The following PIEZO2 variants were observed in gnomAD, a reference collection of about 807,000 sequenced individuals.
PIEZO2 encodes the protein piezo type mechanosensitive ion channel component 2.
Under a neutral mutation model 337.3 loss-of-function variants are expected in PIEZO2, and 172 were observed. The observed-to-expected ratio is 0.51, with a 90% CI of 0.45 to 0.58. PIEZO2 has a LOEUF of 0.58. Ranked by LOEUF, PIEZO2 falls within the 20% of genes least tolerant of loss-of-function variation. PIEZO2 has a pLI of 0.00. For missense variants in PIEZO2, 3,028 were observed against 3,391.3 expected (o/e 0.89, Z 2.66); for synonymous variants, 1,251 against 1,228.5 (o/e 1.02, Z -0.38).
In PIEZO2 at chr18:10,759,513, G is replaced by A; in HGVS notation, c.3726C>T (p.Phe1242=). The A allele has an allele frequency of 6.5e-7, 1 of 1,537,174 alleles. No individual in the cohort carries two copies. The highest frequency in any genetic ancestry group is 8.7e-7 in the Non-Finnish European group (1 of 1,146,906). The part of the protein sequence containing the change: ...NIIKWLYFPD[F]IVRPNPVFLV... ...GAAACACAGGGTTGGGCCGCACAAT[G>A]AAATCTGGGAAGTACAGCCACTTTA... The change falls in exon 26 of 56, where the codon TTC becomes TTT. Residue 1242 remains phenylalanine (F), a synonymous_variant. Transcript: ENST00000674853. The surrounding 1 kb of genome is among the most constrained non-coding windows in gnomAD (Gnocchi z 5.5).
chr18:10,915,537 CAA>C (rs1026434674), intron 3 of PIEZO2, among the ~76,000 whole-genome samples: 34 of 152,270 alleles, frequency 2.2e-4, no homozygotes, highest in Admixed American at 1.9e-3. Context: ...TATTTTAAAT[CAA>C]GAGTGGCATT....
At chr18:10,946,369 C>A (rs952524803) in intron 3 of PIEZO2, among the ~76,000 whole-genome samples, 2 of 152,186 alleles carry the variant, frequency 1.3e-5, no homozygotes, top group East Asian at 1.9e-4. Flanking sequence ...AATTTTTATA[C>A]CCTACAAACA....
chr18:10,872,162 T>C lies in PIEZO2; in HGVS notation c.330-747A>G, dbSNP rs983585775. 3.3e-5 allele frequency among the ~76,000 whole-genome samples: 5 copies of C among 152,242 alleles called. No homozygotes were observed. Among genetic ancestry groups the C allele is most frequent in the Non-Finnish European group, 7.3e-5 (5 of 68,046 alleles). ...TGAAATAATGTTCGTGAAAGTTCTTTGTAAAGAATGAAACACATATTTTCA... is the reference window on the plus strand; with the variant it reads ...TGAAATAATGTTCGTGAAAGTTCTTCGTAAAGAATGAAACACATATTTTCA... On this transcript the variant is annotated intron_variant, in intron 4 of 55. Transcript: ENST00000674853. The surrounding 1 kb of genome is among the most constrained non-coding windows in gnomAD (Gnocchi z 4.3).
chr18:10,672,780 C>T lies in PIEZO2; in HGVS notation c.8255G>A (p.Arg2752Lys). Residue 2752 changes from arginine (R) to lysine (K), a missense_variant, in exon 55 of 56, where the codon AGA (arginine) becomes AAA (lysine). Transcript: ENST00000674853. This position sits in a 1 kb window ranked among gnomAD's most constrained non-coding sequence, Gnocchi z 4.7. Reference sequence around the variant, plus strand: ...GGCCTGAGAGTTCGGATTGTATATTCTGTTTCCAGTCAGGTTGAGAACCCA... The same window carrying T: ...GGCCTGAGAGTTCGGATTGTATATTTTGTTTCCAGTCAGGTTGAGAACCCA... ...EWWVLNLTGNRIYNPNSQALE... is the reference protein window; with the variant it reads ...EWWVLNLTGNKIYNPNSQALE... The T allele has an allele frequency of 6.2e-7, 1 of 1,614,054 alleles. No homozygotes were observed. Among genetic ancestry groups the T allele is most frequent in the Non-Finnish European group, 8.5e-7 (1 of 1,179,950 alleles).
Position 11,077,267 on chromosome 18 carries a change from C to G in PIEZO2, c.65-11045G>C, listed in dbSNP as rs1325055965. 6.6e-6 allele frequency among the ~76,000 whole-genome samples: 1 copy of G among 152,184 alleles called. No homozygotes were observed. The highest frequency in any genetic ancestry group is 1.5e-5 in the Non-Finnish European group (1 of 68,046). On this transcript the variant is annotated intron_variant, in intron 1 of 55. Coordinates refer to ENST00000674853, the MANE Select transcript of PIEZO2 (RefSeq NM_001378183.1). This position sits in a 1 kb window ranked among gnomAD's most constrained non-coding sequence, Gnocchi z 4.8. ...AATATTAAAACTGCTTATTAGCCTG[C>G]TCATCTTAGTGGCTTTGTCATCTAT...
At chr18:11,147,526 C>G (rs2040840639) in intron 1 of PIEZO2, among the ~76,000 whole-genome samples, 1 of 152,218 alleles carries the variant, frequency 6.6e-6, no homozygotes, top group Admixed American at 6.5e-5. Context: ...TCATCAACCT[C>G]GGTCAAGATG....
At chr18:10,804,109 G>A (rs556164232) in intron 8 of PIEZO2, 115 bp from the exon 9 acceptor site, 1 of 1,231,818 alleles carries the variant, frequency 8.1e-7, no homozygotes, top group Non-Finnish European at 1.1e-6. Context: ...CAAAGTGAAT[G>A]TTTACAATAT....
chr18:10,747,593 G>A (rs187601121), intron 30 of PIEZO2, among the ~76,000 whole-genome samples: 345 of 152,294 alleles, frequency 2.3e-3, no homozygotes, highest in Non-Finnish European at 3.6e-3. Flanking sequence ...AGGGCTGGGT[G>A]TGCCACAAGG....
At chr18:10,867,262 C>T (rs149759870) in intron 5 of PIEZO2, among the ~76,000 whole-genome samples, 1 of 152,226 alleles carries the variant, frequency 6.6e-6, no homozygotes, top group Non-Finnish European at 1.5e-5. Context: ...AACTAGAAGA[C>T]AACAAAATGA....
rs190226483 is a variant in PIEZO2, at chr18:10,950,783, G to A, written c.286+28752C>T. On this transcript the variant is annotated intron_variant, in intron 3 of 55. Transcript: ENST00000674853. ...GTACCGGCCTTACACTGTTTAAACGGTATCTTCATCCACTGAGTTAGCTTC... is the reference window on the plus strand; with the variant it reads ...GTACCGGCCTTACACTGTTTAAACGATATCTTCATCCACTGAGTTAGCTTC... Among the ~76,000 whole-genome samples, 5 of 152,176 alleles carry A rather than the reference G, an allele frequency of 3.3e-5. No individual in the cohort carries two copies. The East Asian group carries it at 9.7e-4, about 29-fold the overall frequency.
At chr18:11,040,104 C>T (rs112742973) in intron 2 of PIEZO2, among the ~76,000 whole-genome samples, 7,770 of 85,726 alleles carry the variant, frequency 0.091, 260 homozygotes, top group Middle Eastern at 0.16. Context: ...GGCTAAATAC[C>T]ATCTGAAAAA....
rs2040825187 is a variant in PIEZO2 at position 11,146,895 on chromosome 18, G to C, written c.64+1630C>G. ...AGGAGGACGGTGGATAGAGGGACTGGGAGGGAGCAGAGCGGCCTTTAACCT... is the reference window on the plus strand; with the variant it reads ...AGGAGGACGGTGGATAGAGGGACTGCGAGGGAGCAGAGCGGCCTTTAACCT... On this transcript the variant is annotated intron_variant, in intron 1 of 55. Coordinates refer to ENST00000674853, the MANE Select transcript of PIEZO2 (RefSeq NM_001378183.1). This position sits in a 1 kb window ranked among gnomAD's most constrained non-coding sequence, Gnocchi z 6.1. Among the ~76,000 whole-genome samples the C allele has an allele frequency of 6.6e-6, 1 of 152,188 alleles. No homozygotes were observed. The highest frequency in any genetic ancestry group is 2.4e-5 in the African/African-American group (1 of 41,448).
intron 17 of PIEZO2, among the ~76,000 whole-genome samples, chr18:10,782,110 T>C (rs932317703): frequency 2.1e-5 from 3 of 144,266 alleles, no homozygotes; most frequent in African/African-American, 5.1e-5. Context: ...ATATATATTA[T>C]ATATTAAGCT....
chr18:10,760,843 T>C (rs1323157219), intron 24 of PIEZO2, 68 bp downstream of exon 24: 21 of 1,338,900 alleles, frequency 1.6e-5, no homozygotes, highest in Non-Finnish European at 2.0e-5. Context: ...CAGTGGCCAA[T>C]TGGCCAGAAG....
chr18:10,860,121 A>T (rs1335535088), intron 5 of PIEZO2, among the ~76,000 whole-genome samples: 2 of 152,198 alleles, frequency 1.3e-5, no homozygotes, highest in Non-Finnish European at 2.9e-5. Flanking sequence ...GGTATCCAGT[A>T]GGCAGCTATT....
chr18:10,969,106 T>G lies in PIEZO2; in HGVS notation c.286+10429A>C, dbSNP rs2034133637. On this transcript the variant is annotated intron_variant, in intron 3 of 55. Coordinates refer to ENST00000674853, the MANE Select transcript of PIEZO2 (RefSeq NM_001378183.1). The surrounding 1 kb of genome is among the most constrained non-coding windows in gnomAD (Gnocchi z 4.5). ...ATTACTATGCTTAGCCCAATTCTGCTGCTTTCAAATGCCTTTGAAATGTCC... is the reference window on the plus strand; with the variant it reads ...ATTACTATGCTTAGCCCAATTCTGCGGCTTTCAAATGCCTTTGAAATGTCC... 6.6e-6 allele frequency among the ~76,000 whole-genome samples: 1 copy of G among 152,234 alleles called. No individual in the cohort carries two copies. The highest frequency in any genetic ancestry group is 1.5e-5 in the Non-Finnish European group (1 of 68,040).
At chr18:10,683,509 T>A (rs1388941786) in intron 49 of PIEZO2, among the ~76,000 whole-genome samples, 1 of 152,266 alleles carries the variant, frequency 6.6e-6, no homozygotes, top group Non-Finnish European at 1.5e-5. Flanking sequence ...CATTTGATAC[T>A]GTTGACTATT....
intron 3 of PIEZO2, among the ~76,000 whole-genome samples, chr18:10,974,578 T>C (rs1304674559): frequency 6.6e-6 from 1 of 152,168 alleles, no homozygotes; most frequent in Non-Finnish European, 1.5e-5. Context: ...GGAAACAATC[T>C]TACACACACG....
rs1262174250 is a variant in PIEZO2, at chr18:10,767,003, C to T, written c.2946+3145G>A. 9.5e-5 allele frequency among the ~76,000 whole-genome samples: 14 copies of T among 147,596 alleles called. No individual in the cohort carries two copies. The highest frequency in any genetic ancestry group is 9.4e-4 in the Admixed American group (14 of 14,872). On this transcript the variant is annotated intron_variant, in intron 21 of 55. Coordinates refer to ENST00000674853, the MANE Select transcript of PIEZO2 (RefSeq NM_001378183.1). This position sits in a 1 kb window ranked among gnomAD's most constrained non-coding sequence, Gnocchi z 4.2. Reference sequence around the variant, plus strand: ...ACCTTCCATTCCCTCCCCTCCCCTCCCCTCCCCTTCCCTCCCCTCCCCTTC... The same window carrying T: ...ACCTTCCATTCCCTCCCCTCCCCTCTCCTCCCCTTCCCTCCCCTCCCCTTC...
Sources: allele counts gnomAD v4.1 joint callset (sites outside exome capture counted in the v4.1 genomes callset), GRCh38; gene constraint gnomAD v4.1.1; non-coding constraint Gnocchi (gnomAD v3.1); transcripts MANE v1.5; gene names NCBI Gene and HGNC (gene_info 2026-07-23, HGNC 2026-07-21).